Variants in DGKB observed in about 807,000 individuals in gnomAD.
DGKB encodes the protein diacylglycerol kinase beta, also known as 90 kDa diacylglycerol kinase.
A neutral mutation model predicts 114.3 loss-of-function variants in DGKB; 67 were observed. The observed-to-expected ratio is 0.59, with a 90% CI of 0.48 to 0.72. The LOEUF (loss-of-function observed/expected upper bound fraction) is 0.72. DGKB is among the 30% of genes least tolerant of loss of function. The pLI is 0.00. For synonymous variants in DGKB, 398 were observed against 323.1 expected (o/e 1.23, Z -2.49); for missense variants, 907 against 975.2 (o/e 0.93, Z 0.93).
rs1372706208 is a variant in DGKB at position 14,718,705 on chromosome 7, T to C, written c.323-20A>G. 3.2e-6 allele frequency: 5 copies of C among 1,579,760 alleles called. No homozygotes were observed. The highest frequency in any genetic ancestry group is 1.8e-5 in the Admixed American group (1 of 55,314). ...TCAGACCTGGAAAAAAAATTGTCTT[T>C]ATATTTTGTTAATTATTTACAGTGA... On this transcript the variant is annotated intron_variant, in intron 5 of 25. Transcript: ENST00000402815.
At chr7:14,244,907 G>C (rs1220314143) in intron 23 of DGKB, among the ~76,000 whole-genome samples, 1 of 151,968 alleles carries the variant, frequency 6.6e-6, no homozygotes, top group Admixed American at 6.6e-5. Context: ...TTATCTGTAA[G>C]CCACCCAGTC....
At chr7:14,970,216 T>A (rs1787377050) in intron 1 of DGKB, among the ~76,000 whole-genome samples, 1 of 152,176 alleles carries the variant, frequency 6.6e-6, no homozygotes, top group African/African-American at 2.4e-5. Context: ...ATGATGATAA[T>A]GACGATGATG....
chr7:14,824,689 A>G (rs1408403950), intron 2 of DGKB, among the ~76,000 whole-genome samples: 2 of 152,090 alleles, frequency 1.3e-5, no homozygotes, highest in African/African-American at 2.4e-5. Flanking sequence ...GGTGAGTTAC[A>G]TGAGAAATTA....
At chr7:14,745,484 A>G (rs1361947777) in intron 4 of DGKB, among the ~76,000 whole-genome samples, 1 of 152,198 alleles carries the variant, frequency 6.6e-6, no homozygotes, top group Non-Finnish European at 1.5e-5. Context: ...AGAACCTCTG[A>G]CCCACTCAGG....
chr7:14,583,709 G>A (rs1033580799), intron 17 of DGKB, among the ~76,000 whole-genome samples: 1 of 152,176 alleles, frequency 6.6e-6, no homozygotes, highest in Non-Finnish European at 1.5e-5. Context: ...CTGGTTGACA[G>A]TGTTTTCCAC....
At chr7:14,468,500 T>TGAA in intron 21 of DGKB, among the ~76,000 whole-genome samples, 1 of 149,456 alleles carries the variant, frequency 6.7e-6, no homozygotes, top group East Asian at 2.0e-4. Context: ...GTTTCTTCCC[T>TGAA]TTAAACTAAA....
chr7:14,916,487 C>A (rs1029330641), intron 1 of DGKB, among the ~76,000 whole-genome samples: 1 of 151,914 alleles, frequency 6.6e-6, no homozygotes, highest in East Asian at 1.9e-4. Flanking sequence ...CAAAGTAAAG[C>A]TGGATTAACT....
intron 21 of DGKB, among the ~76,000 whole-genome samples, chr7:14,382,504 C>G (rs1368933517): frequency 1.3e-5 from 2 of 151,702 alleles, no homozygotes; most frequent in Non-Finnish European, 2.9e-5. Context: ...GTTTGTGAAA[C>G]TATAGTTTGC....
intron 1 of DGKB, among the ~76,000 whole-genome samples, chr7:14,887,019 A>G (rs144154952): frequency 0.01 from 1,568 of 152,010 alleles, 39 homozygotes; most frequent in African/African-American, 0.036. Context: ...ATCGCAATTT[A>G]TAATTATTTC....
chr7:14,829,757 G>T (rs975347250), intron 2 of DGKB, among the ~76,000 whole-genome samples: 1 of 152,062 alleles, frequency 6.6e-6, no homozygotes, highest in African/African-American at 2.4e-5. Flanking sequence ...GCCAATAGGA[G>T]AAGAAAAAAT....
intron 1 of DGKB, among the ~76,000 whole-genome samples, chr7:14,944,397 G>T (rs1785745342): frequency 6.6e-6 from 1 of 151,886 alleles, no homozygotes; most frequent in African/African-American, 2.4e-5. Context: ...TGATGACAAA[G>T]GATTTTGAAA....
intron 1 of DGKB, among the ~76,000 whole-genome samples, chr7:14,880,879 C>T (rs1382608243): frequency 6.6e-6 from 1 of 152,140 alleles, no homozygotes; most frequent in Non-Finnish European, 1.5e-5. Flanking sequence ...CATATTCCTA[C>T]TTATGTTTAT....
chr7:14,659,294 G>A (rs1458611181), intron 13 of DGKB, among the ~76,000 whole-genome samples: 1 of 152,068 alleles, frequency 6.6e-6, no homozygotes, highest in East Asian at 1.9e-4. Context: ...ATATGGTTAA[G>A]TTCAAAAGTG....
At chr7:14,647,633 G>GA (rs905313021) in intron 13 of DGKB, among the ~76,000 whole-genome samples, 1 of 151,750 alleles carries the variant, frequency 6.6e-6, no homozygotes, top group Non-Finnish European at 1.5e-5. Flanking sequence ...TAATTCATGG[G>GA]GGAGGAGCCA....
At chr7:14,805,226 C>T (rs551289413) in intron 2 of DGKB, among the ~76,000 whole-genome samples, 1 of 152,164 alleles carries the variant, frequency 6.6e-6, no homozygotes, top group Admixed American at 6.5e-5. Flanking sequence ...CCAATGGACC[C>T]ATTTCATTGG....
chr7:14,744,218 CTATCTGTGAG>C (rs774134834), intron 4 of DGKB, among the ~76,000 whole-genome samples: 9 of 152,296 alleles, frequency 5.9e-5, no homozygotes, highest in South Asian at 4.1e-4. Flanking sequence ...AATTTGGAAA[CTATCTGTGAG>C]TATTCTTAAC....
chr7:14,282,815 T>C (rs200908031), intron 23 of DGKB, among the ~76,000 whole-genome samples: 11 of 152,066 alleles, frequency 7.2e-5, no homozygotes, highest in Non-Finnish European at 1.5e-4. Flanking sequence ...TTCAACAACC[T>C]TTCATGCTAA....
At chr7:14,434,723 A>G (rs1426828823) in intron 21 of DGKB, among the ~76,000 whole-genome samples, 1 of 152,168 alleles carries the variant, frequency 6.6e-6, no homozygotes, top group African/African-American at 2.4e-5. Context: ...GCAGAAATAT[A>G]AAATGAGTAC....
chr7:14,303,147 T>C (rs1395673269), intron 23 of DGKB, among the ~76,000 whole-genome samples: 1 of 152,154 alleles, frequency 6.6e-6, no homozygotes, highest in Non-Finnish European at 1.5e-5. Context: ...TGGCAACACC[T>C]AAGTGAAGTA....
Sources: allele counts gnomAD v4.1 joint callset (sites outside exome capture counted in the v4.1 genomes callset), GRCh38; gene constraint gnomAD v4.1.1; transcripts MANE v1.5; gene names NCBI Gene and HGNC (gene_info 2026-07-23, HGNC 2026-07-21).